The following TMPRSS3 variants were observed in gnomAD, a reference collection of about 807,000 sequenced individuals.
TMPRSS3 encodes transmembrane protease serine 3.
In TMPRSS3, 55 loss-of-function variants were observed where a neutral mutation model predicts 59.6. That is an observed-to-expected ratio of 0.92 (90% CI 0.74 to 1.16). The LOEUF is 1.16. Among genes scored for constraint, TMPRSS3 ranks in the 50% most tolerant of loss-of-function variants. The pLI, the probability that TMPRSS3 is intolerant of heterozygous loss-of-function variation, is 0.00. For missense variants in TMPRSS3, 596 were observed against 579.4 expected (o/e 1.03, Z -0.29); for synonymous variants, 257 against 237.7 (o/e 1.08, Z -0.75).
intron 10 of TMPRSS3, 139 bp downstream of exon 10, chr21:42,379,978 G>A (rs188215175): frequency 2.2e-5 from 16 of 724,438 alleles, no homozygotes; most frequent in African/African-American, 1.0e-4. Flanking sequence ...ACTGTGTCCC[G>A]AGCAGCTGAC....
At position 42,389,038 on chromosome 21, in the gene TMPRSS3, G is replaced by T; in HGVS notation, c.213C>A (p.Phe71Leu). 1 of 1,614,090 alleles carries T rather than the reference G, an allele frequency of 6.2e-7. No individual in the cohort carries two copies. Among genetic ancestry groups the T allele is most frequent in the Non-Finnish European group, 8.5e-7 (1 of 1,180,004 alleles). The change falls in exon 4 of 13, where the codon TTC (phenylalanine) becomes TTA (leucine). Residue 71 changes from phenylalanine to leucine, a missense_variant. By Grantham distance (22) the Phe-to-Leu change is conservative. Transcript: ENST00000644384. ...GACATCTGTACTTCCCTGAGCAGTC[G>T]AAGTGGACTGGGAAAAGGGAGGAAG... is the stretch of plus-strand genomic sequence containing the variant. ...LALAIGLGIH[F>L]DCSGKYRCRS...
At chr21:42,375,168 TCG>T (rs2052400993) in intron 12 of TMPRSS3, among the ~76,000 whole-genome samples, 1 of 151,772 alleles carries the variant, frequency 6.6e-6, no homozygotes, top group Non-Finnish European at 1.5e-5. Flanking sequence ...CAAGCCAGCC[TCG>T]CTGTTGGGTG....
intron 6 of TMPRSS3, 58 bp from the exon 7 acceptor site, chr21:42,384,071 C>T: frequency 6.6e-7 from 1 of 1,525,908 alleles, no homozygotes; most frequent in Non-Finnish European, 9.1e-7. Context: ...GAAAGGAACA[C>T]TCTTAAAAAC....
chr21:42,394,674 G>A (rs1438867588), intron 2 of TMPRSS3, among the ~76,000 whole-genome samples: 1 of 152,140 alleles, frequency 6.6e-6, no homozygotes, highest in East Asian at 1.9e-4. Context: ...CTCAGGCAGA[G>A]CTCCTGTGGT....
chr21:42,394,299 G>A (rs1489904248), intron 2 of TMPRSS3, among the ~76,000 whole-genome samples: 3 of 152,048 alleles, frequency 2.0e-5, no homozygotes, highest in Admixed American at 6.5e-5. Flanking sequence ...AAATGGCTGT[G>A]TAAATTGCAT....
rs543756653 is a variant in TMPRSS3, at chr21:42,373,617, T to C, written c.1345-838A>G. On this transcript the variant is annotated intron_variant, in intron 12 of 12. Coordinates refer to ENST00000644384, the MANE Select transcript of TMPRSS3 (RefSeq NM_001256317.3). ...CAATCTTCACATTTAACAAACATCC[T>C]GAGAGAGGCTTCTGCACCCCTAAGT... Among the ~76,000 whole-genome samples, 143 of 152,320 alleles carry C rather than the reference T, an allele frequency of 9.4e-4. 6 individuals are homozygous for C. The South Asian group carries it at 0.029, about 31-fold the overall frequency.
chr21:42,382,265 A>G (rs750347609), intron 8 of TMPRSS3, 31 bp from the exon 9 acceptor site: 4 of 1,603,508 alleles, frequency 2.5e-6, no homozygotes, highest in Admixed American at 3.4e-5. Flanking sequence ...GGTGAAGCAC[A>G]GGAAAAGTCC....
At chr21:42,379,545 G>GA (rs1029583572) in intron 10 of TMPRSS3, among the ~76,000 whole-genome samples, 6 of 152,096 alleles carry the variant, frequency 3.9e-5, no homozygotes, top group African/African-American at 1.4e-4. Context: ...TACTAACAAA[G>GA]AAAGTGATTG....
rs755519837 is a variant in TMPRSS3 at position 42,376,660 on chromosome 21, G to A, written c.1072C>T (p.His358Tyr). 27 of 1,614,006 alleles carry A rather than the reference G, an allele frequency of 1.7e-5. No individual in the cohort carries two copies. In the African/African-American group the frequency reaches 3.6e-4, roughly 22 times the overall value. The change falls in exon 11 of 13, where the codon CAC becomes TAC. Residue 358 changes from histidine to tyrosine, a missense_variant. By Grantham distance (83) the His-to-Tyr change is moderately conservative. Transcript: ENST00000644384. The stretch of plus-strand genomic sequence containing the variant: ...TTGGAAATCAAAGGGACGGCCGCGT[G>A]GTTCAGGACAGGGGAGGCGTCACCT... ...DGGDASPVLNHAAVPLISNKI... is the reference protein window; with the variant it reads ...DGGDASPVLNYAAVPLISNKI...
At chr21:42,379,847 C>A (rs1206115203) in intron 10 of TMPRSS3, among the ~76,000 whole-genome samples, 1 of 152,078 alleles carries the variant, frequency 6.6e-6, no homozygotes, top group Non-Finnish European at 1.5e-5. Context: ...GGGGTCCGGG[C>A]AGGGAAAGGG....
Position 42,375,682 on chromosome 21 carries a change from G to A in TMPRSS3, c.1344+34C>T, listed in dbSNP as rs770815772. On this transcript the variant is annotated intron_variant, in intron 12 of 12. Transcript: ENST00000644384. ...AAGGGACCTTAGGGTCAAAAGCCAGGGACAACGTGAGCTGGGGAGGGCGCC... is the reference window on the plus strand; with the variant it reads ...AAGGGACCTTAGGGTCAAAAGCCAGAGACAACGTGAGCTGGGGAGGGCGCC... The A allele has an allele frequency of 2.0e-5, 33 of 1,613,534 alleles. 1 individual carries two copies. The South Asian group carries it at 3.5e-4, about 17-fold the overall frequency.
rs749538864 is a variant in TMPRSS3 at position 42,382,099 on chromosome 21, G to A, written c.918C>T (p.Ala306=). The A allele has an allele frequency of 3.7e-6, 6 of 1,614,184 alleles. No individual in the cohort carries two copies. Among genetic ancestry groups the A allele is most frequent in the Non-Finnish European group, 5.1e-6 (6 of 1,180,026 alleles). The change falls in exon 9 of 13, where the codon GCC becomes GCT. Residue 306 remains alanine, a synonymous_variant. Transcript: ENST00000644384. ...YKPKRLGNDI[A]LMKLAGPLTF... ...TGAGTGGCCCGGCCAGCTTCATAAG[G>A]GCGATGTCATTGCCCAGCCTCTTTG...
At chr21:42,379,373 G>A (rs1428243045) in intron 10 of TMPRSS3, among the ~76,000 whole-genome samples, 1 of 152,076 alleles carries the variant, frequency 6.6e-6, no homozygotes, top group African/African-American at 2.4e-5. Flanking sequence ...ATGTTGCCCA[G>A]GCTGGTCTCA....
Position 42,385,416 on chromosome 21 carries a change from A to G in TMPRSS3, c.565T>C (p.Tyr189His). The G allele has an allele frequency of 6.2e-7, 1 of 1,613,968 alleles. No individual in the cohort carries two copies. The highest frequency in any genetic ancestry group is 1.1e-5 in the South Asian group (1 of 91,074). Residue 189 changes from tyrosine to histidine, a missense_variant, in exon 6 of 13, where the codon TAT becomes CAT. Coordinates refer to ENST00000644384, the MANE Select transcript of TMPRSS3 (RefSeq NM_001256317.3). ...DKVTALHHSV[Y>H]VREGCASGHV... The stretch of plus-strand genomic sequence containing the variant: ...CATCGCCTGACCACCTACCTCACAT[A>G]TACTGAGTGGTGTAATGCAGTCACC...
rs9981459 is a variant in TMPRSS3 at position 42,388,700 on chromosome 21, C to T, written c.323-174G>A. On this transcript the variant is annotated intron_variant, in intron 4 of 12. Coordinates refer to ENST00000644384, the MANE Select transcript of TMPRSS3 (RefSeq NM_001256317.3). The surrounding 1 kb of genome is among the most constrained non-coding windows in gnomAD (Gnocchi z 5.1). ...GACTCTGGATCCCTGAGACTTCTCG[C>T]TGGTCTCATCTTATTGCTTATGTGG... 6.6e-6 allele frequency among the ~76,000 whole-genome samples: 1 copy of T among 151,848 alleles called. No individual in the cohort carries two copies. The highest frequency in any genetic ancestry group is 1.5e-5 in the Non-Finnish European group (1 of 67,970).
chr21:42,377,238 G>A (rs917596466), intron 10 of TMPRSS3, among the ~76,000 whole-genome samples: 8 of 152,264 alleles, frequency 5.3e-5, no homozygotes, highest in African/African-American at 1.9e-4. Context: ...CCAAGTAAGA[G>A]GGTGGACCTG....
intron 6 of TMPRSS3, 46 bp from the exon 7 acceptor site, chr21:42,384,059 G>C: frequency 6.3e-7 from 1 of 1,595,662 alleles, no homozygotes; most frequent in South Asian, 1.1e-5. Context: ...CCCCAGATCT[G>C]TGAAAGGAAC....
rs760972634 is a variant in TMPRSS3, at chr21:42,383,833, G to T, written c.616+137C>A. On this transcript the variant is annotated intron_variant, in intron 7 of 12. Transcript: ENST00000644384. Reference sequence around the variant, plus strand: ...ACTGCTCCCCTCCTCCAGCAGGTAGGGGTACACAGAGTTCCCGCCTGGCAC... The same window carrying T: ...ACTGCTCCCCTCCTCCAGCAGGTAGTGGTACACAGAGTTCCCGCCTGGCAC... 1.1e-5 allele frequency: 10 copies of T among 875,154 alleles called. No individual in the cohort carries two copies. In the East Asian group the frequency reaches 2.3e-4, roughly 21 times the overall value. 54.2% of individuals were successfully genotyped at this position (875,154 alleles called of 1,614,324 possible).
At position 42,388,162 on chromosome 21, in the gene TMPRSS3, TG is replaced by T. The variant is rs2052666195; in HGVS notation, c.446+240del. On this transcript the variant is annotated intron_variant, in intron 5 of 12. Coordinates refer to ENST00000644384, the MANE Select transcript of TMPRSS3 (RefSeq NM_001256317.3). The surrounding 1 kb of genome is among the most constrained non-coding windows in gnomAD (Gnocchi z 5.1). Reference sequence around the variant, plus strand: ...CATGTTCGTATCTCCGATCCTGGCCTGGCCCTGGGAACCCCCAAACATGCCA... The same window carrying T: ...CATGTTCGTATCTCCGATCCTGGCCTGCCCTGGGAACCCCCAAACATGCCA... Among the ~76,000 whole-genome samples, 1 of 152,242 alleles carries T rather than the reference TG, an allele frequency of 6.6e-6. No homozygotes were observed. The highest frequency in any genetic ancestry group is 1.5e-5 in the Non-Finnish European group (1 of 68,046).
Sources: allele counts gnomAD v4.1 joint callset (sites outside exome capture counted in the v4.1 genomes callset), GRCh38; gene constraint gnomAD v4.1.1; non-coding constraint Gnocchi (gnomAD v3.1); transcripts MANE v1.5; gene names NCBI Gene and HGNC (gene_info 2026-07-23, HGNC 2026-07-21).